Variants in TVP23B observed in about 807,000 individuals in gnomAD.
The protein encoded by TVP23B is trans-golgi network vesicle protein 23 homolog B, also known as Golgi apparatus membrane protein TVP23 homolog B.
TVP23B carries 10 observed loss-of-function variants against 30.6 expected under a neutral mutation model. The observed-to-expected ratio is 0.33, with a 90% CI of 0.20 to 0.55. The LOEUF is 0.55. Among genes scored for constraint, TVP23B ranks in the 20% least tolerant of loss-of-function variants. The pLI is 0.91. For missense variants in TVP23B, 153 were observed against 243.2 expected (o/e 0.63, Z 2.47); for synonymous variants, 67 against 83.1 (o/e 0.81, Z 1.06).
chr17:18,804,488 T>A (rs1392263771), intron 6 of TVP23B: 11 of 1,248,542 alleles, frequency 8.8e-6, no homozygotes, highest in African/African-American at 3.1e-5. Flanking sequence ...TAAACTATCA[T>A]TGATAATAAC....
At chr17:18,792,010 C>A (rs2151846721) in intron 3 of TVP23B, among the ~76,000 whole-genome samples, 1 of 152,294 alleles carries the variant, frequency 6.6e-6, no homozygotes, top group South Asian at 2.1e-4. Context: ...TTCACACCCA[C>A]CAATGTAGCC....
chr17:18,790,118 TTAAA>T (rs549964811), intron 2 of TVP23B, among the ~76,000 whole-genome samples: 67 of 152,308 alleles, frequency 4.4e-4, no homozygotes, highest in African/African-American at 1.5e-3. Context: ...ATTGTTTACC[TTAAA>T]TAAGTAAATT....
At chr17:18,790,811 C>T (rs1005729836) in intron 2 of TVP23B, 85 bp from the exon 3 acceptor site, 114 of 1,497,482 alleles carry the variant, frequency 7.6e-5, no homozygotes, top group Non-Finnish European at 7.9e-5. Context: ...CACAGTTACA[C>T]GATGGCTAAA....
intron 5 of TVP23B, among the ~76,000 whole-genome samples, chr17:18,801,532 G>A (rs1376606868): frequency 2.0e-5 from 3 of 152,188 alleles, no homozygotes; most frequent in Non-Finnish European, 4.4e-5. Context: ...CAGGTGTGAT[G>A]TGCGATGTGG....
At chr17:18,790,762 T>A (rs2035979860) in intron 2 of TVP23B, 134 bp from the exon 3 acceptor site, 2 of 1,468,052 alleles carry the variant, frequency 1.4e-6, no homozygotes, top group Admixed American at 4.3e-5. Flanking sequence ...GTTTGCTTCA[T>A]CCTACTAAAG....
At chr17:18,791,938 G>A (rs2036000809) in intron 3 of TVP23B, among the ~76,000 whole-genome samples, 1 of 151,762 alleles carries the variant, frequency 6.6e-6, no homozygotes. Flanking sequence ...AAAATCAAAG[G>A]CTGATTTTGG....
intron 4 of TVP23B, 76 bp from the exon 5 acceptor site, chr17:18,798,736 T>C: frequency 1.9e-6 from 3 of 1,552,016 alleles, no homozygotes; most frequent in Non-Finnish European, 2.6e-6. Flanking sequence ...GTGGGTAATA[T>C]GTTTTTTATT....
intron 5 of TVP23B, among the ~76,000 whole-genome samples, chr17:18,800,929 A>G (rs2036155457): frequency 6.6e-6 from 1 of 152,206 alleles, no homozygotes; most frequent in South Asian, 2.1e-4. Context: ...CTCTTATGTC[A>G]GAGCTGTCTG....
At chr17:18,802,344 A>G (rs966415562) in intron 5 of TVP23B, among the ~76,000 whole-genome samples, 1 of 152,190 alleles carries the variant, frequency 6.6e-6, no homozygotes, top group African/African-American at 2.4e-5. Context: ...ATCATCTCTC[A>G]TGATTAATGA....
intron 5 of TVP23B, among the ~76,000 whole-genome samples, chr17:18,800,692 T>C (rs2036149232): frequency 6.6e-6 from 1 of 152,076 alleles, no homozygotes; most frequent in Admixed American, 6.5e-5. Flanking sequence ...CATATCAAGT[T>C]TTCTGGAGTC....
intron 6 of TVP23B, among the ~76,000 whole-genome samples, chr17:18,805,006 G>T (rs2036225967): frequency 6.6e-6 from 1 of 151,090 alleles, no homozygotes; most frequent in Non-Finnish European, 1.5e-5. Flanking sequence ...CAACATCAGG[G>T]TTTTCAGCAG....
intron 1 of TVP23B, among the ~76,000 whole-genome samples, chr17:18,785,895 C>T (rs2035898169): frequency 6.6e-6 from 1 of 151,914 alleles, no homozygotes; most frequent in Non-Finnish European, 1.5e-5. Flanking sequence ...CCTGTTGCTA[C>T]TGCGGCAGTG....
At chr17:18,784,649 C>CA (rs199795410) in intron 1 of TVP23B, among the ~76,000 whole-genome samples, 13,790 of 151,168 alleles carry the variant, frequency 0.091, 675 homozygotes, top group Non-Finnish European at 0.13. Context: ...GACTCCGTCT[C>CA]AAAAAAAAGA....
At chr17:18,801,535 C>T (rs1245951022) in intron 5 of TVP23B, among the ~76,000 whole-genome samples, 1 of 152,110 alleles carries the variant, frequency 6.6e-6, no homozygotes, top group Admixed American at 6.5e-5. Context: ...GTGTGATGTG[C>T]GATGTGGAGA....
At chr17:18,783,552 C>A in intron 1 of TVP23B, among the ~76,000 whole-genome samples, 1 of 152,328 alleles carries the variant, frequency 6.6e-6, no homozygotes, top group Admixed American at 6.5e-5. Context: ...CTTCTCTTAT[C>A]CTCTCTCAGC....
rs1488124398 is a variant in TVP23B, at chr17:18,789,437, TAGG to T, written c.95+8_95+10del. ...TAGACCAAGAAAAGCCAAAATCAGG[TAGG>T]AGGAGAGAAGTTGCATGAGCTGTGT... is the stretch of plus-strand genomic sequence containing the variant. On this transcript the variant is annotated splice_donor_5th_base_variant and intron_variant, in intron 2 of 6. Transcript: ENST00000307767. 6.2e-7 allele frequency: 1 copy of T among 1,613,886 alleles called. No homozygotes were observed. Among genetic ancestry groups the T allele is most frequent in the South Asian group, 1.1e-5 (1 of 91,064 alleles).
At position 18,806,228 on chromosome 17, in the gene TVP23B, CAG is replaced by C; in HGVS notation, c.*665_*666del. The C allele has an allele frequency of 1.1e-6, 1 of 943,754 alleles. No homozygotes were observed. Among genetic ancestry groups the C allele is most frequent in the South Asian group, 4.9e-5 (1 of 20,428 alleles). The allele number at this position is 943,754 out of a possible 1,614,324, so 58.5% of individuals were successfully genotyped here. ...GAATCATCATAGTTTAAGGAATACCCAGAGATTGCTGCTGTTCTATTTATTTT... is the reference window on the plus strand; with the variant it reads ...GAATCATCATAGTTTAAGGAATACCCAGATTGCTGCTGTTCTATTTATTTT... On this transcript the variant is annotated 3_prime_UTR_variant, in exon 7 of 7. Coordinates refer to ENST00000307767, the MANE Select transcript of TVP23B (RefSeq NM_016078.6).
intron 3 of TVP23B, among the ~76,000 whole-genome samples, chr17:18,792,672 A>T (rs1010443108): frequency 1.3e-5 from 2 of 152,248 alleles, no homozygotes; most frequent in African/African-American, 4.8e-5. Flanking sequence ...ATGCGATCAA[A>T]ATAGTTTATT....
chr17:18,782,420 C>T (rs1329732123), intron 1 of TVP23B: 3 of 150,724 alleles, frequency 2.0e-5, no homozygotes, highest in Non-Finnish European at 3.0e-5. Context: ...GCAGGAGAAT[C>T]GCTTGAACTG....
Sources: allele counts gnomAD v4.1 joint callset (sites outside exome capture counted in the v4.1 genomes callset), GRCh38; gene constraint gnomAD v4.1.1; transcripts MANE v1.5; gene names NCBI Gene and HGNC (gene_info 2026-07-23, HGNC 2026-07-21).